The following SPAG16 variants were observed in gnomAD, a reference collection of about 807,000 sequenced individuals.
SPAG16 encodes the protein sperm associated antigen 16.
A neutral mutation model predicts 80.4 loss-of-function variants in SPAG16; 86 were observed. The ratio of observed to expected loss-of-function variants is 1.07; its 90% confidence interval spans 0.90 to 1.28. The LOEUF (loss-of-function observed/expected upper bound fraction) is 1.28, where lower values mean the gene tolerates loss of function less well. SPAG16 is among the 50% of genes most tolerant of loss of function. SPAG16 has a pLI of 0.00. For synonymous variants in SPAG16, 294 were observed against 265.9 expected, an observed-to-expected ratio of 1.11 and a Z score of -1.03; for missense variants, 870 against 765.3, an observed-to-expected ratio of 1.14 and a Z score of -1.61.
intron 10 of SPAG16, among the ~76,000 whole-genome samples, chr2:213,718,313 G>T (rs914931404): frequency 1.3e-5 from 2 of 151,956 alleles, no homozygotes; most frequent in Non-Finnish European, 2.9e-5. Context: ...GATACTGAGA[G>T]GTGACAGCAT....
chr2:213,802,933 A>G (rs886094612), intron 10 of SPAG16, among the ~76,000 whole-genome samples: 42 of 152,144 alleles, frequency 2.8e-4, no homozygotes, highest in Admixed American at 1.3e-4. Flanking sequence ...GAAGATAAAA[A>G]TTATTCTGGG....
At chr2:213,887,679 G>A (rs2076614920) in intron 11 of SPAG16, among the ~76,000 whole-genome samples, 1 of 151,190 alleles carries the variant, frequency 6.6e-6, no homozygotes, top group Non-Finnish European at 1.5e-5. Context: ...ATAATATAGA[G>A]TATGACTAAT....
chr2:214,095,643 T>C (rs769934580), intron 13 of SPAG16, among the ~76,000 whole-genome samples: 1 of 152,110 alleles, frequency 6.6e-6, no homozygotes, highest in Non-Finnish European at 1.5e-5. Flanking sequence ...TAAAAATTCA[T>C]GTATTATAGA....
At chr2:213,933,579 A>AT in intron 12 of SPAG16, among the ~76,000 whole-genome samples, 1 of 152,334 alleles carries the variant, frequency 6.6e-6, no homozygotes, top group Admixed American at 6.5e-5. Context: ...AACAGCCAAA[A>AT]TGTTACTGAA....
chr2:213,718,705 G>A (rs574140533), intron 10 of SPAG16, among the ~76,000 whole-genome samples: 8 of 152,184 alleles, frequency 5.3e-5, no homozygotes, highest in African/African-American at 1.7e-4. Flanking sequence ...TCGATTTCTC[G>A]TGGGGCCTTA....
chr2:214,010,589 C>A (rs925843858), intron 12 of SPAG16, among the ~76,000 whole-genome samples: 4 of 146,712 alleles, frequency 2.7e-5, no homozygotes, highest in African/African-American at 5.3e-5. Flanking sequence ...AGACTGACCT[C>A]AGACTTTGCA....
intron 10 of SPAG16, among the ~76,000 whole-genome samples, chr2:213,795,875 A>G (rs1368041394): frequency 6.6e-6 from 1 of 152,218 alleles, no homozygotes; most frequent in Non-Finnish European, 1.5e-5. Flanking sequence ...AGAAGCCACT[A>G]TGCTTTCTGT....
chr2:214,396,506 G>A (rs1410566325), intron 15 of SPAG16, among the ~76,000 whole-genome samples: 3 of 151,928 alleles, frequency 2.0e-5, no homozygotes, highest in African/African-American at 4.8e-5. Flanking sequence ...TATTTTCCAA[G>A]CATACATAAA....
chr2:213,325,685 A>T (rs2063812422), intron 5 of SPAG16, among the ~76,000 whole-genome samples: 1 of 151,748 alleles, frequency 6.6e-6, no homozygotes, highest in South Asian at 2.1e-4. Context: ...ATACTGTCAC[A>T]AGTTTTAGTC....
At chr2:213,829,184 G>A (rs1439307383) in intron 10 of SPAG16, among the ~76,000 whole-genome samples, 1 of 152,160 alleles carries the variant, frequency 6.6e-6, no homozygotes, top group Non-Finnish European at 1.5e-5. Flanking sequence ...CCTAGAGTCA[G>A]AAACCTTAGA....
chr2:214,087,893 G>C (rs948962076), intron 13 of SPAG16, among the ~76,000 whole-genome samples: 1 of 151,710 alleles, frequency 6.6e-6, no homozygotes, highest in African/African-American at 2.4e-5. Context: ...AGAAGATCTA[G>C]AAGAAAAATA....
chr2:214,267,724 C>T (rs1247054363), intron 15 of SPAG16, among the ~76,000 whole-genome samples: 2 of 151,796 alleles, frequency 1.3e-5, no homozygotes, highest in Admixed American at 6.6e-5. Flanking sequence ...AATGTCCATA[C>T]TACCGAAAGC....
At chr2:213,355,286 G>T (rs1212411883) in intron 7 of SPAG16, among the ~76,000 whole-genome samples, 1 of 152,206 alleles carries the variant, frequency 6.6e-6, no homozygotes, top group African/African-American at 2.4e-5. Flanking sequence ...ATAGTTTGAA[G>T]TCAGGTAGCC....
intron 5 of SPAG16, among the ~76,000 whole-genome samples, chr2:213,320,720 A>G (rs1215341579): frequency 6.6e-6 from 1 of 152,024 alleles, no homozygotes; most frequent in Non-Finnish European, 1.5e-5. Context: ...AGTTTCATCT[A>G]TGTTCCTGCA....
At chr2:213,692,725 C>G (rs1404216707) in intron 10 of SPAG16, among the ~76,000 whole-genome samples, 2 of 151,376 alleles carry the variant, frequency 1.3e-5, no homozygotes, top group South Asian at 2.1e-4. Context: ...CAGGAGAATG[C>G]CGTGAACCCG....
At chr2:213,382,917 G>A (rs139540939) in intron 9 of SPAG16, among the ~76,000 whole-genome samples, 1 of 152,144 alleles carries the variant, frequency 6.6e-6, no homozygotes, top group Non-Finnish European at 1.5e-5. Flanking sequence ...TCATGTAAAG[G>A]CAATTTGGAT....
At chr2:213,847,919 C>T (rs1348214553) in intron 10 of SPAG16, among the ~76,000 whole-genome samples, 1 of 151,858 alleles carries the variant, frequency 6.6e-6, no homozygotes, top group East Asian at 1.9e-4. Context: ...GGAGGCAGTG[C>T]CGTATGTTAT....
intron 12 of SPAG16, among the ~76,000 whole-genome samples, chr2:213,956,130 A>G (rs2044118593): frequency 6.6e-6 from 1 of 151,410 alleles, no homozygotes; most frequent in South Asian, 2.1e-4. Flanking sequence ...TAATTTTTGT[A>G]TTATTAGTAG....
chr2:213,635,561 A>C (rs546751088), intron 10 of SPAG16, among the ~76,000 whole-genome samples: 1 of 152,246 alleles, frequency 6.6e-6, no homozygotes, highest in East Asian at 1.9e-4. Context: ...TTTTCACAAC[A>C]CCCATGCCAA....
Sources: allele counts gnomAD v4.1 joint callset (sites outside exome capture counted in the v4.1 genomes callset), GRCh38; gene constraint gnomAD v4.1.1; transcripts MANE v1.5; gene names NCBI Gene and HGNC (gene_info 2026-07-23, HGNC 2026-07-21).